DKC1: variants seen among roughly 807,000 people sequenced by gnomAD.
DKC1 encodes the protein H/ACA ribonucleoprotein complex subunit DKC1.
Under a neutral mutation model 46.7 loss-of-function variants are expected in DKC1, and 4 were observed. The observed-to-expected ratio is 0.09, with a 90% CI of 0.04 to 0.20. The LOEUF (loss-of-function observed/expected upper bound fraction) is 0.20, where lower values mean the gene tolerates loss of function less well. Among genes scored for constraint, DKC1 ranks in the 10% least tolerant of loss-of-function variants. The pLI, the probability that DKC1 is intolerant of heterozygous loss-of-function variation, is 1.00. For missense variants in DKC1, 171 were observed against 404.2 expected, an observed-to-expected ratio of 0.42 and a Z score of 4.95; for synonymous variants, 141 against 142.4, an observed-to-expected ratio of 0.99 and a Z score of 0.07.
rs192310611 is a variant in DKC1, at chrX:154,773,125, C to T, written c.1037-6C>T. ...AATAATTCTTTTCTTTATTCAATGC[C>T]TGTAGCTATTGCATTAATGACCACA... On this transcript the variant is annotated splice_region_variant and splice_polypyrimidine_tract_variant and intron_variant, in intron 10 of 14. Coordinates refer to ENST00000369550, the MANE Select transcript of DKC1 (RefSeq NM_001363.5). The T allele has an allele frequency of 8.9e-7, 1 of 1,124,061 alleles. No homozygotes were observed. Among genetic ancestry groups the T allele is most frequent in the African/African-American group, 1.8e-5 (1 of 55,286 alleles). The allele number at this position is 1,124,061 out of a possible 1,213,427, so 92.6% of individuals were successfully genotyped here.
chrX:154,765,457 C>T lies in DKC1; in HGVS notation c.98C>T (p.Ala33Val). The T allele has an allele frequency of 5.8e-6, 7 of 1,209,085 alleles. No homozygotes were observed. Among genetic ancestry groups the T allele is most frequent in the Non-Finnish European group, 7.8e-6 (7 of 892,792 alleles). The change falls in exon 3 of 15, where the codon GCT becomes GTT. Residue 33 changes from alanine (A) to valine (V), a missense_variant. Ala to Val is a moderately conservative substitution (Grantham distance 64, BLOSUM62 0). Around this residue, in one of 4 missense-constraint regions of DKC1, gnomAD observed 41 missense variants for 117.3 expected, o/e 0.35. Transcript: ENST00000369550. ...PEEDVAEIQHAEEFLIKPESK... is the reference protein window; with the variant it reads ...PEEDVAEIQHVEEFLIKPESK... Reference sequence around the variant, plus strand: ...GTCCTGTCGAAGGAAATACAACACGCTGAAGAATTTCTTATCAAACCTGAA... The same window carrying T: ...GTCCTGTCGAAGGAAATACAACACGTTGAAGAATTTCTTATCAAACCTGAA...
chrX:154,765,014 C>T (rs1557263998), intron 2 of DKC1, 48 bp downstream of exon 2: 6 of 1,018,158 alleles, frequency 5.9e-6, no homozygotes, highest in Non-Finnish European at 6.9e-6. Context: ...AGAAAGTTTA[C>T]TTAAATAACA....
intron 7 of DKC1, among the ~76,000 whole-genome samples, chrX:154,767,820 C>A (rs1014457257): frequency 3.0e-5 from 3 of 101,324 alleles, no homozygotes; most frequent in Non-Finnish European, 6.0e-5. Flanking sequence ...GTTAAAAATT[C>A]TGCTAATATC....
At chrX:154,766,688 T>G in intron 5 of DKC1, 1 of 432,933 alleles carries the variant, frequency 2.3e-6, no homozygotes, top group Non-Finnish European at 4.0e-6. Flanking sequence ...CTACCGCTTC[T>G]GCCTAAAGTA....
rs1242996115 is a variant in DKC1, at chrX:154,762,986, G to A, written c.16+5G>A. The A allele has an allele frequency of 5.1e-6, 6 of 1,179,920 alleles. No individual in the cohort carries two copies. The highest frequency in any genetic ancestry group is 3.1e-5 in the East Asian group (1 of 32,046). On this transcript the variant is annotated splice_donor_5th_base_variant and intron_variant, in intron 1 of 14. Transcript: ENST00000369550. The stretch of plus-strand genomic sequence containing the variant: ...GTAACATGGCGGATGCGGAAGGTAA[G>A]GGCTGCAGGCTTCCGGGCCGTGCTA...
intron 2 of DKC1, 43 bp downstream of exon 2, chrX:154,765,009 G>A: frequency 9.5e-7 from 1 of 1,051,864 alleles, no homozygotes; most frequent in Non-Finnish European, 1.3e-6. Flanking sequence ...TAAAAAGAAA[G>A]TTTACTTAAA....
intron 1 of DKC1, among the ~76,000 whole-genome samples, chrX:154,763,881 T>C (rs887269182): frequency 8.1e-5 from 9 of 111,621 alleles, no homozygotes; most frequent in Admixed American, 1.9e-4. Flanking sequence ...AGTAAAAATA[T>C]AGCACAGGGC....
chrX:154,771,589 G>A (rs983263353), intron 10 of DKC1, among the ~76,000 whole-genome samples: 19 of 108,672 alleles, frequency 1.7e-4, no homozygotes, highest in Non-Finnish European at 1.9e-5. Flanking sequence ...CTGTCCATGA[G>A]TTCAATTGTT....
chrX:154,765,821 T>C, intron 3 of DKC1, 86 bp from the exon 4 acceptor site: 3 of 731,774 alleles, frequency 4.1e-6, no homozygotes, highest in Non-Finnish European at 6.5e-6. Context: ...CTATGCCAGT[T>C]TGTGGGCCAC....
At chrX:154,773,303 T>C (rs2071847861) in intron 11 of DKC1, 54 bp downstream of exon 11, 1 of 647,046 alleles carries the variant, frequency 1.5e-6, no homozygotes. Flanking sequence ...TTTTTTTTTT[T>C]TTTAAATTTA....
intron 12 of DKC1, 46 bp downstream of exon 12, chrX:154,774,751 C>A: frequency 1.9e-6 from 2 of 1,047,290 alleles, no homozygotes; most frequent in Non-Finnish European, 2.7e-6. Context: ...AGACGGCACA[C>A]TTGCTGCCTT....
chrX:154,776,033 G>A (rs2071891185), intron 13 of DKC1, among the ~76,000 whole-genome samples, 154 bp from the exon 14 acceptor site: 1 of 112,249 alleles, frequency 8.9e-6, no homozygotes, highest in South Asian at 3.7e-4. Context: ...CAAATCCTCA[G>A]TAAACTAAGG....
rs1408707808 is a variant in DKC1, at chrX:154,764,457, A to G, written c.17-442A>G. 6.3e-5 allele frequency among the ~76,000 whole-genome samples: 7 copies of G among 111,321 alleles called. No individual in the cohort carries two copies. In the Admixed American group the frequency reaches 6.7e-4, roughly 11 times the overall value. ...CTTCAGAATAAATCAACCTTAGCTT[A>G]CTGTAACTTTATAAACTTTTTACTT... On this transcript the variant is annotated intron_variant, in intron 1 of 14. Coordinates refer to ENST00000369550, the MANE Select transcript of DKC1 (RefSeq NM_001363.5).
chrX:154,773,053 C>A, intron 10 of DKC1, 78 bp from the exon 11 acceptor site: 1 of 717,900 alleles, frequency 1.4e-6, no homozygotes, highest in Non-Finnish European at 2.2e-6. Flanking sequence ...AAGTGGCATA[C>A]AACAGTAGAA....
At chrX:154,765,168 G>A (rs2071729768) in intron 2 of DKC1, 1 of 474,665 alleles carries the variant, frequency 2.1e-6, no homozygotes, top group African/African-American at 2.4e-5. Flanking sequence ...AATGGTGCTG[G>A]CCTTACCAAC....
At chrX:154,766,101 G>A in intron 4 of DKC1, 103 bp downstream of exon 4, 2 of 998,539 alleles carry the variant, frequency 2.0e-6, no homozygotes, top group South Asian at 1.9e-5. Flanking sequence ...GCTTTGTCTT[G>A]AATATATAAC....
chrX:154,765,648 A>T (rs782251510), intron 3 of DKC1, 118 bp downstream of exon 3: 17 of 662,931 alleles, frequency 2.6e-5, no homozygotes, highest in Admixed American at 4.7e-5. Flanking sequence ...GTGCCCACTG[A>T]TACAGTTTAA....
chrX:154,763,052 C>T, intron 1 of DKC1, 71 bp downstream of exon 1: 2 of 1,098,729 alleles, frequency 1.8e-6, no homozygotes, highest in East Asian at 3.3e-5. Context: ...GGGATGGTAT[C>T]GGGGCCCGCG....
At chrX:154,766,605 A>G (rs1279422696) in intron 5 of DKC1, 4 of 450,319 alleles carry the variant, frequency 8.9e-6, no homozygotes, top group African/African-American at 2.5e-5. Flanking sequence ...CTAAGCATGT[A>G]TTCATCAAGC....
Sources: allele counts gnomAD v4.1 joint callset (sites outside exome capture counted in the v4.1 genomes callset), GRCh38; gene constraint gnomAD v4.1.1; regional missense constraint gnomAD v4.1.1; transcripts MANE v1.5; gene names NCBI Gene and HGNC (gene_info 2026-07-23, HGNC 2026-07-21).